NR6A1: variants seen among roughly 807,000 people sequenced by gnomAD.
NR6A1 encodes the protein retinoic acid receptor-related testis-associated receptor.
Under a neutral mutation model 59.1 loss-of-function variants are expected in NR6A1, and 7 were observed. That is an observed-to-expected ratio of 0.12 (90% CI 0.07 to 0.22). The LOEUF (loss-of-function observed/expected upper bound fraction) is 0.22. Among genes scored for constraint, NR6A1 ranks in the 10% least tolerant of loss-of-function variants. The pLI is 1.00. For missense variants in NR6A1, 468 were observed against 611.6 expected (o/e 0.77, Z 2.48); for synonymous variants, 243 against 236.1 (o/e 1.03, Z -0.27).
rs1832728810 is a variant in NR6A1 at position 124,518,192 on chromosome 9, G to C, written c.*4513C>G. On this transcript the variant is annotated 3_prime_UTR_variant, in exon 10 of 10. Coordinates refer to ENST00000487099, the MANE Select transcript of NR6A1 (RefSeq NM_033334.4). ...CTGTGCAGGCTGTGGTCCATTTAGG[G>C]CTTCAGGCCCAGAAGACGGATGCTA... is the stretch of plus-strand genomic sequence containing the variant. The C allele has an allele frequency of 6.8e-6, 1 of 146,926 alleles. No individual in the cohort carries two copies. Among genetic ancestry groups the C allele is most frequent in the Admixed American group, 6.9e-5 (1 of 14,494 alleles). The allele number at this position is 146,926 out of a possible 1,614,324, so 9.1% of individuals were successfully genotyped here. A position where few individuals can be genotyped will look rare whatever the true frequency, so the allele number is the denominator to read the frequency against.
Position 124,598,576 on chromosome 9 carries a change from C to A in NR6A1, c.143-44006G>T, listed in dbSNP as rs539951327. On this transcript the variant is annotated intron_variant, in intron 2 of 9. Coordinates refer to ENST00000487099, the MANE Select transcript of NR6A1 (RefSeq NM_033334.4). Reference sequence around the variant, plus strand: ...CAAATTATTATTTTTAAATTTTGTTCTTTATATAACGGCCTTTTGTAAAAA... The same window carrying A: ...CAAATTATTATTTTTAAATTTTGTTATTTATATAACGGCCTTTTGTAAAAA... The A allele has an allele frequency of 2.3e-3, 593 of 257,062 alleles. 2 individuals carry two copies. Among genetic ancestry groups the A allele is most frequent in the African/African-American group, 0.014 (553 of 39,628 alleles). 15.9% of individuals were successfully genotyped at this position (257,062 alleles called of 1,614,324 possible).
At chr9:124,599,199 C>G (rs1466340722) in intron 2 of NR6A1, 1 of 498,604 alleles carries the variant, frequency 2.0e-6, no homozygotes, top group African/African-American at 2.0e-5. Flanking sequence ...TCCCAGCACT[C>G]TGGGAGACTG....
chr9:124,769,714 C>T (rs565328459), intron 1 of NR6A1, among the ~76,000 whole-genome samples: 1 of 152,220 alleles, frequency 6.6e-6, no homozygotes, highest in South Asian at 2.1e-4. Context: ...TCCCTTTATT[C>T]GGAAATGAGG....
chr9:124,636,755 T>C (rs1436465299), intron 2 of NR6A1, among the ~76,000 whole-genome samples: 1 of 152,226 alleles, frequency 6.6e-6, no homozygotes, highest in Non-Finnish European at 1.5e-5. Context: ...CTAGGCTGTC[T>C]ATTCGGTCCT....
At chr9:124,532,799 C>T (rs1420681472) in intron 7 of NR6A1, among the ~76,000 whole-genome samples, 2 of 152,228 alleles carry the variant, frequency 1.3e-5, no homozygotes, top group South Asian at 2.1e-4. Flanking sequence ...CACGTGGCTA[C>T]TGAGCACTTG....
At chr9:124,568,650 G>A (rs759189655) in intron 2 of NR6A1, among the ~76,000 whole-genome samples, 38 of 151,958 alleles carry the variant, frequency 2.5e-4, no homozygotes, top group Admixed American at 1.2e-3. Context: ...AAAAAATTAA[G>A]TGACTTGCCC....
chr9:124,709,065 C>A lies in NR6A1; in HGVS notation c.142+24243G>T, dbSNP rs530243339. Among the ~76,000 whole-genome samples the A allele has an allele frequency of 6.0e-4, 91 of 152,308 alleles. 1 individual carries two copies. The South Asian group carries it at 0.018, about 31-fold the overall frequency. On this transcript the variant is annotated intron_variant, in intron 2 of 9. Coordinates refer to ENST00000487099, the MANE Select transcript of NR6A1 (RefSeq NM_033334.4). ...TAATACCTGGATTCTCACTGCATTT[C>A]TCAGATCCCCATCCTCTCTCATCTC...
intron 2 of NR6A1, among the ~76,000 whole-genome samples, chr9:124,631,709 G>A (rs1046443185): frequency 1.5e-4 from 23 of 151,952 alleles, no homozygotes; most frequent in African/African-American, 5.6e-4. Flanking sequence ...GTGCTGGTTT[G>A]TTACACAGGT....
At chr9:124,629,219 G>A (rs970975358) in intron 2 of NR6A1, among the ~76,000 whole-genome samples, 4 of 152,170 alleles carry the variant, frequency 2.6e-5, no homozygotes, top group East Asian at 1.9e-4. Context: ...CCTACAGAAC[G>A]ATAAGTAATG....
At chr9:124,755,765 C>A (rs1051478153) in intron 1 of NR6A1, among the ~76,000 whole-genome samples, 5 of 152,174 alleles carry the variant, frequency 3.3e-5, no homozygotes, top group Non-Finnish European at 5.9e-5. Flanking sequence ...TTTACTTTTA[C>A]ACTGACTGAG....
intron 2 of NR6A1, chr9:124,599,540 G>A: frequency 1.6e-6 from 1 of 638,924 alleles, no homozygotes; most frequent in Non-Finnish European, 2.6e-6. Context: ...ATTCTCAATG[G>A]AAGTATCGTG....
chr9:124,765,537 C>T, intron 1 of NR6A1, among the ~76,000 whole-genome samples: 1 of 152,094 alleles, frequency 6.6e-6, no homozygotes, highest in East Asian at 1.9e-4. Flanking sequence ...AGGCTATTTT[C>T]ACAACGTATT....
intron 3 of NR6A1, among the ~76,000 whole-genome samples, 198 bp downstream of exon 3, chr9:124,554,130 T>G (rs922077498): frequency 6.6e-6 from 1 of 152,208 alleles, no homozygotes; most frequent in African/African-American, 2.4e-5. Flanking sequence ...CATTCCCACC[T>G]TAACATCTCA....
chr9:124,567,294 G>C (rs1834288092), intron 2 of NR6A1, among the ~76,000 whole-genome samples: 1 of 152,084 alleles, frequency 6.6e-6, no homozygotes, highest in African/African-American at 2.4e-5. Context: ...TAGGGGGTCA[G>C]AGAATGTGGA....
At position 124,745,501 on chromosome 9, in the gene NR6A1, G is replaced by A. The variant is rs531914389; in HGVS notation, c.101-12152C>T. The stretch of plus-strand genomic sequence containing the variant: ...AGCCTGCCCAACATGGACAAACCCC[G>A]TCTTTACTAAAAATACAAAATTAGC... On this transcript the variant is annotated intron_variant, in intron 1 of 9. Transcript: ENST00000487099. Among the ~76,000 whole-genome samples, 239 of 150,200 alleles carry A rather than the reference G, an allele frequency of 1.6e-3. 1 individual carries two copies. The highest frequency in any genetic ancestry group is 4.4e-3 in the African/African-American group (181 of 40,780).
chr9:124,751,233 T>G lies in NR6A1; in HGVS notation c.101-17884A>C, dbSNP rs142286358. On this transcript the variant is annotated intron_variant, in intron 1 of 9. Coordinates refer to ENST00000487099, the MANE Select transcript of NR6A1 (RefSeq NM_033334.4). ...ACACTAGTCACACCCAAGTACTAAT[T>G]AGGCTAATACTGCACATCAATATAA... 1.2e-4 allele frequency among the ~76,000 whole-genome samples: 18 copies of G among 152,350 alleles called. No individual in the cohort carries two copies. The East Asian group carries it at 3.5e-3, about 29-fold the overall frequency.
intron 2 of NR6A1, among the ~76,000 whole-genome samples, chr9:124,663,282 A>AC (rs1015388090): frequency 6.6e-6 from 1 of 152,166 alleles, no homozygotes; most frequent in Non-Finnish European, 1.5e-5. Context: ...CCACGTCTTA[A>AC]CCCCCAAATC....
chr9:124,647,172 C>T (rs1301472448), intron 2 of NR6A1, among the ~76,000 whole-genome samples: 1 of 152,146 alleles, frequency 6.6e-6, no homozygotes, highest in African/African-American at 2.4e-5. Flanking sequence ...CTACCTTGGC[C>T]TCCCAAAGCA....
intron 2 of NR6A1, among the ~76,000 whole-genome samples, chr9:124,673,823 C>T (rs565993610): frequency 2.6e-4 from 40 of 152,246 alleles, no homozygotes; most frequent in Non-Finnish European, 4.4e-4. Flanking sequence ...TAAGCAAGGG[C>T]AATAATTAAT....
Sources: allele counts gnomAD v4.1 joint callset (sites outside exome capture counted in the v4.1 genomes callset), GRCh38; gene constraint gnomAD v4.1.1; transcripts MANE v1.5; gene names NCBI Gene and HGNC (gene_info 2026-07-23, HGNC 2026-07-21).